ZBBX: variants seen among roughly 807,000 people sequenced by gnomAD.
The protein encoded by ZBBX is zinc finger B-box domain-containing protein 1.
ZBBX carries 101 observed loss-of-function variants against 108.5 expected under a neutral mutation model. The ratio of observed to expected loss-of-function variants is 0.93; its 90% CI spans 0.79 to 1.10. The LOEUF is 1.10. ZBBX is among the 50% of genes least tolerant of loss of function. ZBBX has a pLI of 0.00. For missense variants in ZBBX, 1,009 were observed against 941.4 expected (o/e 1.07, Z -0.94); for synonymous variants, 356 against 323.4 (o/e 1.10, Z -1.08).
At chr3:167,230,556 A>C in the ZBBX span, among the ~76,000 whole-genome samples, 1 of 151,818 alleles carries the variant, frequency 6.6e-6, no homozygotes, top group Non-Finnish European at 1.5e-5. Flanking sequence ...GAATAATATA[A>C]AGGGACATTC....
chr3:167,232,357 T>A, the ZBBX span, among the ~76,000 whole-genome samples: 1 of 151,824 alleles, frequency 6.6e-6, no homozygotes, highest in Non-Finnish European at 1.5e-5. Flanking sequence ...TATTTGCAGA[T>A]AAATGGCTCG....
At chr3:167,296,266 T>C (rs1731679529) in intron 18 of ZBBX, among the ~76,000 whole-genome samples, 1 of 152,008 alleles carries the variant, frequency 6.6e-6, no homozygotes, top group Non-Finnish European at 1.5e-5. Context: ...ACAATAAAAG[T>C]AATATGCTAA....
At chr3:167,385,375 A>T (rs1418647938) in intron 1 of ZBBX, among the ~76,000 whole-genome samples, 1 of 152,050 alleles carries the variant, frequency 6.6e-6, no homozygotes, top group South Asian at 2.1e-4. Context: ...GAATACCTAT[A>T]TAGGGCACTT....
intron 1 of ZBBX, among the ~76,000 whole-genome samples, chr3:167,405,043 G>T (rs73879702): frequency 6.6e-6 from 1 of 152,094 alleles, no homozygotes; most frequent in African/African-American, 2.4e-5. Context: ...AATTTTTAAG[G>T]GTTCTTGCTA....
At chr3:167,356,652 A>G (rs1486500573) in intron 8 of ZBBX, among the ~76,000 whole-genome samples, 1 of 152,198 alleles carries the variant, frequency 6.6e-6, no homozygotes, top group Non-Finnish European at 1.5e-5. Flanking sequence ...ATTATGAAAT[A>G]GTTTCAAAGA....
intron 17 of ZBBX, among the ~76,000 whole-genome samples, chr3:167,300,543 G>A (rs1403171954): frequency 6.6e-6 from 1 of 151,390 alleles, no homozygotes; most frequent in African/African-American, 2.4e-5. Context: ...GCAATGGATA[G>A]TCTTAAATTG....
the ZBBX span, among the ~76,000 whole-genome samples, chr3:167,196,562 C>T: frequency 6.6e-6 from 1 of 152,132 alleles, no homozygotes; most frequent in Non-Finnish European, 1.5e-5. Flanking sequence ...AAATACATAA[C>T]TTAAGTGGAC....
At chr3:167,333,383 T>C (rs1361782986) in intron 10 of ZBBX, among the ~76,000 whole-genome samples, 1 of 152,188 alleles carries the variant, frequency 6.6e-6, no homozygotes, top group East Asian at 1.9e-4. Context: ...GCAGTCAATC[T>C]AAATAACTGC....
chr3:167,386,200 G>A (rs1026718689), intron 1 of ZBBX, among the ~76,000 whole-genome samples: 1 of 151,970 alleles, frequency 6.6e-6, no homozygotes, highest in Non-Finnish European at 1.5e-5. Flanking sequence ...AGAGAAGGAA[G>A]CAAAGATGAG....
chr3:167,386,703 G>GA (rs1012268727), intron 1 of ZBBX, among the ~76,000 whole-genome samples: 1 of 151,892 alleles, frequency 6.6e-6, no homozygotes, highest in Non-Finnish European at 1.5e-5. Context: ...ATCTTAAAAA[G>GA]AAAAAAGCTG....
upstream of ZBBX, among the ~76,000 whole-genome samples, chr3:167,382,613 G>A (rs1183195411): frequency 6.6e-6 from 1 of 152,028 alleles, no homozygotes; most frequent in Non-Finnish European, 1.5e-5. Flanking sequence ...TTGAAATAAG[G>A]GTCAGGGACT....
intron 17 of ZBBX, among the ~76,000 whole-genome samples, chr3:167,298,823 A>T (rs781025786): frequency 4.6e-5 from 7 of 152,042 alleles, no homozygotes; most frequent in Non-Finnish European, 1.0e-4. Context: ...CTTTGTCTAT[A>T]TATAAAATAA....
At chr3:167,305,269 A>G (rs953857745) in intron 17 of ZBBX, among the ~76,000 whole-genome samples, 3 of 152,104 alleles carry the variant, frequency 2.0e-5, no homozygotes, top group Non-Finnish European at 4.4e-5. Context: ...ATCTGCATTT[A>G]TTTCATTTTG....
chr3:167,333,787 C>T (rs754423636), intron 10 of ZBBX, 40 bp downstream of exon 10: 1 of 1,486,464 alleles, frequency 6.7e-7, no homozygotes, highest in Admixed American at 2.2e-5. Context: ...GCCATAGTTA[C>T]ATATGTCAGA....
In ZBBX at chr3:167,368,475, T is replaced by C; in HGVS notation, c.168A>G (p.Glu56=). The C allele has an allele frequency of 6.2e-7, 1 of 1,611,220 alleles. No homozygotes were observed. The highest frequency in any genetic ancestry group is 8.5e-7 in the Non-Finnish European group (1 of 1,177,956). ...LQEFRSTRNK[E]KEDRESSEYY... is the part of the protein sequence containing the mutation. ...GTTTCACTCACTCTCTATCTTCCTT[T>C]TCTTTGTTTCTTGTGGATCGGAATT... The change falls in exon 5 of 22, where the codon GAA becomes GAG. Residue 56 remains glutamate (E), a synonymous_variant. Transcript: ENST00000675490.
intron 10 of ZBBX, among the ~76,000 whole-genome samples, chr3:167,331,109 C>A (rs867441675): frequency 6.6e-6 from 1 of 151,948 alleles, no homozygotes; most frequent in African/African-American, 2.4e-5. Flanking sequence ...TTCTAGACTA[C>A]AGAACAGTAG....
intron 1 of ZBBX, among the ~76,000 whole-genome samples, chr3:167,399,302 G>C (rs979637342): frequency 6.6e-6 from 1 of 152,004 alleles, no homozygotes. Flanking sequence ...TAATAAACTT[G>C]CTAAAGTTTT....
At chr3:167,229,102 A>G in the ZBBX span, among the ~76,000 whole-genome samples, 1 of 151,814 alleles carries the variant, frequency 6.6e-6, no homozygotes, top group Admixed American at 6.6e-5. Context: ...TTTCGTCTTC[A>G]GTTTACAAAT....
At chr3:167,290,891 A>G (rs1366716997) in intron 18 of ZBBX, among the ~76,000 whole-genome samples, 1 of 152,170 alleles carries the variant, frequency 6.6e-6, no homozygotes, top group Non-Finnish European at 1.5e-5. Flanking sequence ...AAAACACAGC[A>G]CAAGAACTTC....
Sources: gnomAD v4.1 joint callset for allele counts (sites outside exome capture counted in the v4.1 genomes callset) on GRCh38, gnomAD v4.1.1 for gene constraint, MANE v1.5 for transcripts, NCBI Gene and HGNC (gene_info 2026-07-23, HGNC 2026-07-21) for gene names.